The following DPP10 variants were observed in gnomAD, a reference collection of about 807,000 sequenced individuals.
DPP10 encodes the protein dipeptidyl peptidase like 10.
DPP10 carries 33 observed loss-of-function variants against 120.9 expected under a neutral mutation model. The observed-to-expected ratio is 0.27, with a 90% CI of 0.21 to 0.37. The LOEUF is 0.37. Among genes scored for constraint, DPP10 ranks in the 10% least tolerant of loss-of-function variants. The probability of loss-of-function intolerance (pLI) is 1.00; values close to 1 mark genes in which losing one functional copy is unlikely to be tolerated. For synonymous variants in DPP10, 337 were observed against 326.1 expected, an observed-to-expected ratio of 1.03 and a Z score of -0.36; for missense variants, 816 against 942.8, an observed-to-expected ratio of 0.87 and a Z score of 1.76.
intron 1 of DPP10, among the ~76,000 whole-genome samples, chr2:115,164,503 GGTTA>G (rs901507249): frequency 5.3e-5 from 8 of 151,992 alleles, no homozygotes; most frequent in African/African-American, 1.9e-4. Flanking sequence ...TTTACCTAGT[GGTTA>G]AATAGGGCAC....
In DPP10 at chr2:114,864,106, A is replaced by G. The variant is rs528927659; in HGVS notation, c.60+421268A>G. 4.6e-5 allele frequency among the ~76,000 whole-genome samples: 7 copies of G among 152,366 alleles called. No homozygotes were observed. The East Asian group carries it at 1.3e-3, about 29-fold the overall frequency. On this transcript the variant is annotated intron_variant, in intron 1 of 25. Transcript: ENST00000410059. ...TAAGGAAGGTCTCTTAGAGAAACAT[A>G]ATGGAGGAACAGAAATGTCGAATAC...
chr2:114,865,504 G>C (rs1427614942), intron 1 of DPP10, among the ~76,000 whole-genome samples: 5 of 152,154 alleles, frequency 3.3e-5, no homozygotes, highest in Admixed American at 3.3e-4. Context: ...CACTCCATAT[G>C]GGAAAGGCAT....
intron 8 of DPP10, among the ~76,000 whole-genome samples, chr2:115,729,690 G>T (rs540510662): frequency 2.0e-5 from 3 of 152,244 alleles, no homozygotes; most frequent in East Asian, 3.9e-4. Flanking sequence ...AGAGAGGATT[G>T]CTTGAGCTCG....
intron 1 of DPP10, among the ~76,000 whole-genome samples, chr2:114,750,574 C>G (rs946663436): frequency 6.6e-6 from 1 of 152,068 alleles, no homozygotes. Context: ...ACCTCGTGAT[C>G]CGCCCGCCTC....
intron 1 of DPP10, among the ~76,000 whole-genome samples, chr2:114,911,661 C>A (rs1216370304): frequency 6.6e-6 from 1 of 152,124 alleles, no homozygotes; most frequent in Non-Finnish European, 1.5e-5. Context: ...GCAATCCCGG[C>A]AGAGGGAACA....
chr2:115,543,297 A>G (rs931065408), intron 5 of DPP10, among the ~76,000 whole-genome samples: 7 of 152,016 alleles, frequency 4.6e-5, no homozygotes, highest in African/African-American at 1.7e-4. Context: ...TCACTCTATC[A>G]AAGAATAAAA....
chr2:115,705,941 C>T (rs2092087562), intron 7 of DPP10, among the ~76,000 whole-genome samples: 1 of 151,324 alleles, frequency 6.6e-6, no homozygotes, highest in Non-Finnish European at 1.5e-5. Flanking sequence ...ATATTTGGGC[C>T]AGAAATAGTA....
chr2:115,527,970 G>T (rs369985063), intron 5 of DPP10, among the ~76,000 whole-genome samples: 1 of 152,096 alleles, frequency 6.6e-6, no homozygotes, highest in Non-Finnish European at 1.5e-5. Flanking sequence ...AAAAAACTAA[G>T]CATATATTTG....
intron 1 of DPP10, among the ~76,000 whole-genome samples, chr2:114,695,420 A>G (rs575720835): frequency 5.3e-5 from 8 of 152,076 alleles, no homozygotes; most frequent in Non-Finnish European, 1.2e-4. Context: ...AATGCTAAAC[A>G]GTTGTACATT....
rs79599205 is a variant in DPP10, at chr2:115,709,318, A to G, written c.577-18498A>G. Among the ~76,000 whole-genome samples, 1,144 of 152,202 alleles carry G rather than the reference A, an allele frequency of 7.5e-3. 12 individuals are homozygous for G. Among genetic ancestry groups the G allele is most frequent in the African/African-American group, 0.024 (981 of 41,540 alleles). Reference sequence around the variant, plus strand: ...AGAGAATGAGAAGAATCCCTGAGAGAGTCAGAGCAGGGGTAACTAGTGGTG... The same window carrying G: ...AGAGAATGAGAAGAATCCCTGAGAGGGTCAGAGCAGGGGTAACTAGTGGTG... On this transcript the variant is annotated intron_variant, in intron 7 of 25. Transcript: ENST00000410059.
At chr2:114,542,520 C>T (rs1384956435) in intron 1 of DPP10, among the ~76,000 whole-genome samples, 1 of 152,192 alleles carries the variant, frequency 6.6e-6, no homozygotes, top group East Asian at 1.9e-4. Flanking sequence ...TAAACCTCTT[C>T]AGCATCCTCT....
chr2:115,568,897 T>C (rs548278472), intron 5 of DPP10, among the ~76,000 whole-genome samples: 2 of 152,316 alleles, frequency 1.3e-5, no homozygotes, highest in South Asian at 4.1e-4. Flanking sequence ...GAAGTCTCAT[T>C]TCTATTTTTG....
In DPP10 at chr2:114,488,185, G is replaced by T. The variant is rs538866194; in HGVS notation, c.60+45347G>T. ...GCTATCAATATGTCAGGGCCCACCT[G>T]TGCCTCATTTGTTGCCCCTGGCTGA... On this transcript the variant is annotated intron_variant, in intron 1 of 25. Coordinates refer to ENST00000410059, the MANE Select transcript of DPP10 (RefSeq NM_020868.6). Among the ~76,000 whole-genome samples, 169 of 152,322 alleles carry T rather than the reference G, an allele frequency of 1.1e-3. 1 individual carries two copies. Among genetic ancestry groups the T allele is most frequent in the Admixed American group, 1.8e-3 (28 of 15,302 alleles).
chr2:114,612,984 G>C (rs785039), intron 1 of DPP10, among the ~76,000 whole-genome samples: 16,675 of 152,128 alleles, frequency 0.11, 1,233 homozygotes, highest in East Asian at 0.21. Context: ...GTGGTTATTA[G>C]TATTTGGCAT....
chr2:114,783,349 C>A (rs763486064), intron 1 of DPP10, among the ~76,000 whole-genome samples: 6 of 151,994 alleles, frequency 3.9e-5, no homozygotes, highest in Non-Finnish European at 7.4e-5. Context: ...AGTTGAAATT[C>A]GAAGGTAACT....
At chr2:114,650,678 A>G (rs533350517) in intron 1 of DPP10, among the ~76,000 whole-genome samples, 12 of 146,710 alleles carry the variant, frequency 8.2e-5, no homozygotes, top group Non-Finnish European at 1.5e-4. Flanking sequence ...TTAAGTAAGC[A>G]TAATCAGGCA....
chr2:115,423,012 C>A (rs2070122011), intron 3 of DPP10, among the ~76,000 whole-genome samples: 1 of 151,492 alleles, frequency 6.6e-6, no homozygotes, highest in Non-Finnish European at 1.5e-5. Flanking sequence ...CTGTGAACCA[C>A]AAATGTGAAT....
intron 1 of DPP10, among the ~76,000 whole-genome samples, chr2:114,721,602 G>A (rs1447589321): frequency 6.6e-6 from 1 of 152,062 alleles, no homozygotes; most frequent in Non-Finnish European, 1.5e-5. Flanking sequence ...TTGGTCCTTA[G>A]CTACTATCCT....
At chr2:115,510,188 T>C (rs1308071693) in intron 4 of DPP10, among the ~76,000 whole-genome samples, 1 of 152,154 alleles carries the variant, frequency 6.6e-6, no homozygotes, top group Admixed American at 6.6e-5. Context: ...GCACCAGATT[T>C]AAATGTTGAT....
Sources: gnomAD v4.1 joint callset for allele counts (sites outside exome capture counted in the v4.1 genomes callset) on GRCh38, gnomAD v4.1.1 for gene constraint, MANE v1.5 for transcripts, NCBI Gene and HGNC (gene_info 2026-07-23, HGNC 2026-07-21) for gene names.